Variants in CNTLN observed in about 807,000 individuals in gnomAD.
CNTLN encodes centlein, also known as centlein, centrosomal protein.
A neutral mutation model predicts 180.0 loss-of-function variants in CNTLN; 212 were observed. That is an observed-to-expected ratio of 1.18 (90% confidence interval 1.05 to 1.32). The LOEUF (loss-of-function observed/expected upper bound fraction) is 1.32, where lower values mean the gene tolerates loss of function less well. CNTLN is among the 40% of genes most tolerant of loss of function. The pLI is 0.00. For missense variants in CNTLN, 2,095 were observed against 1,610.9 expected (o/e 1.30, Z -5.14); for synonymous variants, 722 against 563.1 (o/e 1.28, Z -3.99).
chr9:17,394,949 C>T lies in CNTLN; in HGVS notation c.2495C>T (p.Ala832Val), dbSNP rs201271465. 2 of 1,614,078 alleles carry T rather than the reference C, an allele frequency of 1.2e-6. No individual in the cohort carries two copies. The change falls in exon 15 of 26, where the codon GCT becomes GTT. Residue 832 changes from alanine to valine, a missense_variant. Physicochemically the swap from Ala to Val is moderately conservative, Grantham distance 64. Transcript: ENST00000380647. The part of the protein sequence containing the change: ...KTTMTKVKFK[A>V]AKKNCSVGRH... ...ACTATGACCAAGGTTAAATTTAAAG[C>T]TGCGAAGAAAAATTGCTCTGTGGGT... is the stretch of plus-strand genomic sequence containing the variant.
At chr9:17,466,913 C>A in intron 23 of CNTLN, 22 bp downstream of exon 23, 1 of 1,581,244 alleles carries the variant, frequency 6.3e-7, no homozygotes, top group Non-Finnish European at 8.7e-7. Context: ...TTGTCGTTTA[C>A]TAACTTGTAC....
intron 18 of CNTLN, among the ~76,000 whole-genome samples, chr9:17,454,759 A>C (rs1831012882): frequency 6.6e-6 from 1 of 152,180 alleles, no homozygotes; most frequent in South Asian, 2.1e-4. Context: ...ATGAGGAAAC[A>C]AAGCCATGTG....
intron 8 of CNTLN, among the ~76,000 whole-genome samples, chr9:17,314,476 C>T (rs768662820): frequency 2.0e-5 from 3 of 152,144 alleles, no homozygotes; most frequent in Admixed American, 6.5e-5. Flanking sequence ...AATTGCTTTT[C>T]GGTTATCTTA....
intron 18 of CNTLN, among the ~76,000 whole-genome samples, chr9:17,443,292 G>C (rs1014191401): frequency 6.6e-6 from 1 of 152,118 alleles, no homozygotes; most frequent in African/African-American, 2.4e-5. Context: ...TAATTAGTAA[G>C]AGATTTCAGC....
intron 5 of CNTLN, among the ~76,000 whole-genome samples, chr9:17,272,988 C>A (rs559224108): frequency 2.6e-5 from 4 of 151,824 alleles, no homozygotes; most frequent in Admixed American, 1.3e-4. Context: ...ATTGTCTTTT[C>A]TTTTTTTACA....
chr9:17,281,450 A>T (rs974299657), intron 6 of CNTLN, among the ~76,000 whole-genome samples: 1 of 150,752 alleles, frequency 6.6e-6, no homozygotes, highest in Non-Finnish European at 1.5e-5. Flanking sequence ...CCCGCACACC[A>T]CCCTCCCCAC....
At chr9:17,220,835 C>A (rs113551140) in intron 2 of CNTLN, among the ~76,000 whole-genome samples, 2,269 of 152,206 alleles carry the variant, frequency 0.015, 56 homozygotes, top group African/African-American at 0.051. Context: ...TTTTCTTTAT[C>A]CAGTCCATCA....
In CNTLN at chr9:17,142,587, G is replaced by T. The variant is rs555339849; in HGVS notation, c.361-701G>T. On this transcript the variant is annotated intron_variant, in intron 1 of 25. Transcript: ENST00000380647. ...TCTAGATAGAAATGTGCGAGTCTCA[G>T]TGTAGAGTTGGTACTTAAAATCATG... Among the ~76,000 whole-genome samples the T allele has an allele frequency of 2.6e-5, 4 of 152,298 alleles. No individual in the cohort carries two copies. The South Asian group carries it at 6.2e-4, about 24-fold the overall frequency.
chr9:17,333,326 T>C (rs114018279), intron 10 of CNTLN, among the ~76,000 whole-genome samples: 279 of 152,282 alleles, frequency 1.8e-3, no homozygotes, highest in African/African-American at 6.4e-3. Context: ...TCTTTTTCAA[T>C]ATGCAAGTTG....
chr9:17,188,414 A>G (rs1382208987), intron 2 of CNTLN, among the ~76,000 whole-genome samples: 2 of 152,122 alleles, frequency 1.3e-5, no homozygotes, highest in African/African-American at 4.8e-5. Context: ...TATTGACAAC[A>G]TCTGTAGACC....
intron 1 of CNTLN, among the ~76,000 whole-genome samples, chr9:17,139,617 G>A (rs10962881): frequency 3.4e-4 from 52 of 151,710 alleles, no homozygotes; most frequent in Admixed American, 5.9e-4. Flanking sequence ...CTGAGGTTGC[G>A]CCACTGCACT....
intron 2 of CNTLN, among the ~76,000 whole-genome samples, chr9:17,211,111 T>C (rs553449898): frequency 2.0e-5 from 3 of 152,324 alleles, no homozygotes; most frequent in South Asian, 2.1e-4. Flanking sequence ...TTTGGTGTTT[T>C]AGACATGAAG....
chr9:17,266,584 G>T (rs1227888576), intron 5 of CNTLN, among the ~76,000 whole-genome samples: 2 of 152,070 alleles, frequency 1.3e-5, no homozygotes, highest in East Asian at 3.9e-4. Context: ...TTCAATTCCT[G>T]GGTATCCTTG....
chr9:17,219,917 A>C (rs1824017544), intron 2 of CNTLN, among the ~76,000 whole-genome samples: 1 of 151,792 alleles, frequency 6.6e-6, no homozygotes, highest in South Asian at 2.1e-4. Context: ...CCTCTCATTA[A>C]GGTGCTACTC....
the CNTLN span, among the ~76,000 whole-genome samples, chr9:17,509,097 T>C: frequency 1.3e-5 from 2 of 152,236 alleles, no homozygotes; most frequent in East Asian, 3.9e-4. Context: ...CCAGTGGGCT[T>C]CTGAGCAAAG....
intron 12 of CNTLN, among the ~76,000 whole-genome samples, chr9:17,347,561 C>A (rs1420829546): frequency 6.6e-6 from 1 of 151,238 alleles, no homozygotes; most frequent in Non-Finnish European, 1.5e-5. Flanking sequence ...CTCAGTTACT[C>A]AGGAGGCTGA....
At chr9:17,264,872 A>T (rs1311159410) in intron 5 of CNTLN, among the ~76,000 whole-genome samples, 1 of 151,054 alleles carries the variant, frequency 6.6e-6, no homozygotes, top group Admixed American at 6.6e-5. Flanking sequence ...AATGCTTGTG[A>T]TTTTTGTACA....
At chr9:17,261,830 C>T (rs1827005210) in intron 5 of CNTLN, among the ~76,000 whole-genome samples, 1 of 151,446 alleles carries the variant, frequency 6.6e-6, no homozygotes, top group African/African-American at 2.4e-5. Flanking sequence ...TTGCAATCTA[C>T]CATTCTGACA....
intron 2 of CNTLN, among the ~76,000 whole-genome samples, chr9:17,225,831 C>G (rs1476562866): frequency 6.6e-6 from 1 of 151,982 alleles, no homozygotes; most frequent in Non-Finnish European, 1.5e-5. Flanking sequence ...CTGTCACTCT[C>G]TCTTTTGAGA....
Sources: gnomAD v4.1 joint callset for allele counts (sites outside exome capture counted in the v4.1 genomes callset) on GRCh38, gnomAD v4.1.1 for gene constraint, MANE v1.5 for transcripts, NCBI Gene and HGNC (gene_info 2026-07-23, HGNC 2026-07-21) for gene names.